The following L3MBTL4 variants were observed in gnomAD, a reference collection of about 807,000 sequenced individuals.
The protein encoded by L3MBTL4 is L3MBTL histone methyl-lysine binding protein 4, also known as lethal(3)malignant brain tumor-like protein 4.
Under a neutral mutation model 84.5 loss-of-function variants are expected in L3MBTL4, and 70 were observed. The ratio of observed to expected loss-of-function variants is 0.83; its 90% confidence interval spans 0.68 to 1.01. The LOEUF (loss-of-function observed/expected upper bound fraction) is 1.01. L3MBTL4 is among the 50% of genes least tolerant of loss of function. The probability of loss-of-function intolerance (pLI) is 0.00; values close to 1 mark genes in which losing one functional copy is unlikely to be tolerated. For synonymous variants in L3MBTL4, 274 were observed against 259.8 expected (o/e 1.05, Z -0.52); for missense variants, 715 against 754.8 (o/e 0.95, Z 0.62).
intron 14 of L3MBTL4, among the ~76,000 whole-genome samples, chr18:6,112,734 T>C (rs1036352478): frequency 5.9e-5 from 9 of 152,198 alleles, no homozygotes; most frequent in Non-Finnish European, 1.2e-4. Context: ...TACTACTCAT[T>C]ATTTGGAAGT....
At chr18:6,406,778 C>T (rs914834232) in intron 1 of L3MBTL4, among the ~76,000 whole-genome samples, 3 of 152,056 alleles carry the variant, frequency 2.0e-5, no homozygotes, top group African/African-American at 7.2e-5. Flanking sequence ...TATTTTTAAA[C>T]TCCCTAAAAT....
intron 1 of L3MBTL4, among the ~76,000 whole-genome samples, chr18:6,323,714 A>G (rs774399866): frequency 6.6e-6 from 1 of 152,228 alleles, no homozygotes; most frequent in Non-Finnish European, 1.5e-5. Flanking sequence ...ATGACCTGAA[A>G]TTGGAAGTTA....
intron 5 of L3MBTL4, among the ~76,000 whole-genome samples, chr18:6,255,420 A>T (rs141045169): frequency 3.3e-5 from 5 of 152,332 alleles, no homozygotes; most frequent in African/African-American, 1.2e-4. Flanking sequence ...CATTTCAGAG[A>T]CACAGATTCT....
chr18:6,074,637 G>C (rs540095174), intron 16 of L3MBTL4, among the ~76,000 whole-genome samples: 5 of 152,220 alleles, frequency 3.3e-5, no homozygotes, highest in Admixed American at 3.3e-4. Context: ...TATGTTGTTG[G>C]GGGACTGGTG....
chr18:6,030,315 C>T, intron 16 of L3MBTL4: 2 of 985,170 alleles, frequency 2.0e-6, no homozygotes, highest in Non-Finnish European at 2.4e-6. Context: ...TGCTTTTAAG[C>T]CTTCTCAAAA....
chr18:6,314,095 C>G (rs994295124), intron 1 of L3MBTL4, among the ~76,000 whole-genome samples: 22 of 152,044 alleles, frequency 1.4e-4, no homozygotes, highest in Admixed American at 1.3e-3. Context: ...GTCTAACACA[C>G]AGAAAAACAG....
At chr18:6,397,553 A>G (rs947948019) in intron 1 of L3MBTL4, 1 of 152,172 alleles carries the variant, frequency 6.6e-6, no homozygotes, top group East Asian at 1.9e-4. Context: ...TAAAATCTAT[A>G]TCAAAATTTT....
At chr18:6,062,111 T>C (rs976980145) in intron 16 of L3MBTL4, among the ~76,000 whole-genome samples, 14 of 152,056 alleles carry the variant, frequency 9.2e-5, no homozygotes, top group Admixed American at 5.9e-4. Flanking sequence ...TTCTGACCCA[T>C]ATAATTTTCC....
chr18:6,319,981 A>G (rs441128), intron 1 of L3MBTL4, among the ~76,000 whole-genome samples: 41,604 of 151,874 alleles, frequency 0.27, 7,465 homozygotes, highest in African/African-American at 0.51. Context: ...CGGAGGGATG[A>G]TTTAACACAT....
chr18:6,008,257 C>T (rs1380483822), intron 16 of L3MBTL4, among the ~76,000 whole-genome samples: 1 of 152,190 alleles, frequency 6.6e-6, no homozygotes, highest in African/African-American at 2.4e-5. Context: ...ACAGACCCCA[C>T]TCTTCCTCTG....
intron 16 of L3MBTL4, among the ~76,000 whole-genome samples, chr18:6,000,994 T>C (rs1186013077): frequency 6.6e-6 from 1 of 152,226 alleles, no homozygotes; most frequent in Non-Finnish European, 1.5e-5. Flanking sequence ...TGGTAAATCA[T>C]GGCTAATTTT....
chr18:6,252,582 G>A (rs1210089694), intron 5 of L3MBTL4, among the ~76,000 whole-genome samples: 1 of 152,146 alleles, frequency 6.6e-6, no homozygotes, highest in Non-Finnish European at 1.5e-5. Context: ...CTTCTGTCTT[G>A]TTAAAAATGT....
At chr18:6,174,704 T>C (rs1375587673) in intron 12 of L3MBTL4, among the ~76,000 whole-genome samples, 1 of 148,822 alleles carries the variant, frequency 6.7e-6, no homozygotes. Flanking sequence ...GCCCCATCTC[T>C]ACTAAAATGC....
At chr18:6,283,994 T>A (rs892769417) in intron 4 of L3MBTL4, among the ~76,000 whole-genome samples, 2 of 152,252 alleles carry the variant, frequency 1.3e-5, no homozygotes, top group Admixed American at 1.3e-4. Flanking sequence ...TGGGCGATCA[T>A]TCTCTACGTA....
chr18:6,091,133 C>T (rs985967406), intron 15 of L3MBTL4, among the ~76,000 whole-genome samples: 1 of 152,118 alleles, frequency 6.6e-6, no homozygotes, highest in East Asian at 1.9e-4. Flanking sequence ...AAGGCAGCCT[C>T]GGGACAGTAC....
chr18:6,057,496 A>C (rs1316931673), intron 16 of L3MBTL4, among the ~76,000 whole-genome samples: 35 of 152,198 alleles, frequency 2.3e-4, no homozygotes, highest in Admixed American at 2.3e-3. Flanking sequence ...AAACTCAGGA[A>C]ACTTCTCTCT....
chr18:5,968,958 C>T (rs2052494293), intron 17 of L3MBTL4, among the ~76,000 whole-genome samples: 1 of 152,168 alleles, frequency 6.6e-6, no homozygotes, highest in African/African-American at 2.4e-5. Context: ...CACAGGGCAA[C>T]TGGCAAATGG....
chr18:6,088,927 T>C (rs1390989699), intron 15 of L3MBTL4, among the ~76,000 whole-genome samples: 1 of 152,146 alleles, frequency 6.6e-6, no homozygotes, highest in Admixed American at 6.6e-5. Flanking sequence ...ATTTATAATA[T>C]GGCAGGCATC....
In L3MBTL4 at chr18:6,078,434, AAAAAC is replaced by A. The variant is rs1281999001; in HGVS notation, c.1444+2442_1444+2446del. Among the ~76,000 whole-genome samples the A allele has an allele frequency of 1.6e-4, 24 of 148,842 alleles. 2 individuals carry two copies. Among genetic ancestry groups the A allele is most frequent in the Non-Finnish European group, 1.6e-4 (11 of 67,544 alleles). ...AGAGGGAGAGTCCACCTCAAAAAAAAAAAACAAAAAAAAAAAAAAAAGGGGAAAAA... is the reference window on the plus strand; with the variant it reads ...AGAGGGAGAGTCCACCTCAAAAAAAAAAAAAAAAAAAAAAAAGGGGAAAAA... On this transcript the variant is annotated intron_variant, in intron 16 of 18. Coordinates refer to ENST00000317931, the MANE Select transcript of L3MBTL4 (RefSeq NM_001330559.2).
Sources: gnomAD v4.1 joint callset for allele counts (sites outside exome capture counted in the v4.1 genomes callset) on GRCh38, gnomAD v4.1.1 for gene constraint, MANE v1.5 for transcripts, NCBI Gene and HGNC (gene_info 2026-07-23, HGNC 2026-07-21) for gene names.